STK32B: variants seen among roughly 807,000 people sequenced by gnomAD.
STK32B encodes the protein serine/threonine-protein kinase 32B.
A neutral mutation model predicts 52.6 loss-of-function variants in STK32B; 43 were observed. The observed-to-expected ratio is 0.82, with a 90% CI of 0.64 to 1.05. The LOEUF (loss-of-function observed/expected upper bound fraction) is 1.05, where lower values mean the gene tolerates loss of function less well. Ranked by LOEUF, STK32B falls within the 50% of genes least tolerant of loss-of-function variation. The pLI is 0.00. For synonymous variants in STK32B, 238 were observed against 204.3 expected, an observed-to-expected ratio of 1.17 and a Z score of -1.41; for missense variants, 621 against 534.6, an observed-to-expected ratio of 1.16 and a Z score of -1.59.
At chr4:5,098,100 AT>A (rs1442832757) in intron 1 of STK32B, among the ~76,000 whole-genome samples, 2 of 152,206 alleles carry the variant, frequency 1.3e-5, no homozygotes, top group East Asian at 1.9e-4. Context: ...CTCGCATTAT[AT>A]TTTATTGGTC....
At chr4:5,160,502 C>T (rs1042660954) in intron 2 of STK32B, among the ~76,000 whole-genome samples, 1 of 152,096 alleles carries the variant, frequency 6.6e-6, no homozygotes, top group Non-Finnish European at 1.5e-5. Context: ...GAGACCAACC[C>T]TTGGTGACTG....
rs973521971 is a variant in STK32B, at chr4:5,467,421, C to T, written c.1042-585C>T. 1.3e-5 allele frequency among the ~76,000 whole-genome samples: 2 copies of T among 152,178 alleles called. No individual in the cohort carries two copies. The highest frequency in any genetic ancestry group is 6.5e-5 in the Admixed American group (1 of 15,280). On this transcript the variant is annotated intron_variant, in intron 10 of 11. Transcript: ENST00000282908. The surrounding 1 kb of genome is among the most constrained non-coding windows in gnomAD (Gnocchi z 5.8). ...ATGGTTCCAGTCTCTCCCTCCGTCA[C>T]TGCATGGCCTTATTCTCTGTGTCTT... is the stretch of plus-strand genomic sequence containing the variant.
At chr4:5,292,851 G>A (rs1728973761) in intron 3 of STK32B, among the ~76,000 whole-genome samples, 2 of 151,888 alleles carry the variant, frequency 1.3e-5, no homozygotes, top group African/African-American at 2.4e-5. Context: ...ATATACATGT[G>A]CCATGGTGGT....
At chr4:5,274,166 C>T (rs896463668) in intron 3 of STK32B, among the ~76,000 whole-genome samples, 2 of 151,894 alleles carry the variant, frequency 1.3e-5, no homozygotes, top group African/African-American at 4.8e-5. Flanking sequence ...TGCAAAAGAC[C>T]TGGAATAGCT....
chr4:5,454,841 A>G (rs916484091), intron 7 of STK32B, among the ~76,000 whole-genome samples: 1 of 152,186 alleles, frequency 6.6e-6, no homozygotes, highest in South Asian at 2.1e-4. Context: ...TTTCTGGTGA[A>G]GTGCGAAGGG....
At chr4:5,305,483 T>C (rs536077694) in intron 3 of STK32B, among the ~76,000 whole-genome samples, 1 of 152,238 alleles carries the variant, frequency 6.6e-6, no homozygotes, top group Admixed American at 6.5e-5. Context: ...TTCTAGTTTA[T>C]GTGTGTAAAG....
intron 4 of STK32B, among the ~76,000 whole-genome samples, chr4:5,357,486 A>G (rs1001304320): frequency 6.6e-6 from 1 of 152,110 alleles, no homozygotes; most frequent in Non-Finnish European, 1.5e-5. Context: ...TCAAGGATCA[A>G]CCAGGCTTTT....
At chr4:5,033,826 GC>G in the STK32B span, among the ~76,000 whole-genome samples, 1 of 152,216 alleles carries the variant, frequency 6.6e-6, no homozygotes, top group Non-Finnish European at 1.5e-5. Flanking sequence ...CAACTGATGG[GC>G]TGGCCTGCTG....
At chr4:5,308,960 G>T (rs533335344) in intron 3 of STK32B, among the ~76,000 whole-genome samples, 1 of 152,064 alleles carries the variant, frequency 6.6e-6, no homozygotes, top group Non-Finnish European at 1.5e-5. Context: ...AAGTCAAATT[G>T]TCTCTGCTTG....
chr4:5,072,250 G>A lies in STK32B; in HGVS notation c.52+20335G>A, dbSNP rs549127583. Among the ~76,000 whole-genome samples the A allele has an allele frequency of 2.6e-5, 4 of 152,100 alleles. 1 individual carries two copies. In the South Asian group the frequency reaches 8.3e-4, roughly 32 times the overall value. ...TTGCAGGCTCAACTTGTACCCTGCA[G>A]ACTCAAAATTTTAATTGGCAACCCC... On this transcript the variant is annotated intron_variant, in intron 1 of 11. Transcript: ENST00000282908.
intron 3 of STK32B, among the ~76,000 whole-genome samples, chr4:5,172,654 G>C (rs2108742394): frequency 6.6e-6 from 1 of 152,290 alleles, no homozygotes; most frequent in Non-Finnish European, 1.5e-5. Context: ...TCCCAGGGAT[G>C]AACCCCACTT....
intron 6 of STK32B, among the ~76,000 whole-genome samples, chr4:5,440,234 G>A (rs1164211781): frequency 2.0e-5 from 3 of 152,196 alleles, no homozygotes; most frequent in African/African-American, 4.8e-5. Flanking sequence ...TCCTACCCAT[G>A]AGCATGGAAT....
At position 5,331,363 on chromosome 4, in the gene STK32B, AGTATC is replaced by A; in HGVS notation, c.405_409del (p.Glu135AspfsTer20). On this transcript the variant is annotated frameshift_variant, in exon 4 of 12. Transcript: ENST00000282908. LOFTEE classifies it high-confidence loss of function. ...ATCTGTGAGCTGGCACTGGCCCTGG[AGTATC>A]TTCAGAGGTACCACATCATCCACAG... 1 of 1,613,390 alleles carries A rather than the reference AGTATC, an allele frequency of 6.2e-7. No individual in the cohort carries two copies. Among genetic ancestry groups the A allele is most frequent in the Non-Finnish European group, 8.5e-7 (1 of 1,179,664 alleles).
chr4:5,355,722 A>G (rs759262333), intron 4 of STK32B, among the ~76,000 whole-genome samples: 10 of 152,076 alleles, frequency 6.6e-5, no homozygotes, highest in African/African-American at 2.4e-4. Flanking sequence ...CACATCATCA[A>G]ATGTGCTCCA....
the STK32B span, among the ~76,000 whole-genome samples, chr4:5,027,922 G>A: frequency 6.6e-6 from 1 of 152,204 alleles, no homozygotes; most frequent in Non-Finnish European, 1.5e-5. Context: ...TGAAGGGGCT[G>A]CATCCCTGCT....
chr4:5,497,855 G>GACA (rs927747728), intron 11 of STK32B, among the ~76,000 whole-genome samples: 3 of 152,060 alleles, frequency 2.0e-5, no homozygotes, highest in African/African-American at 7.2e-5. Context: ...TTTAAATCAA[G>GACA]ACAACAGGTG....
intron 5 of STK32B, among the ~76,000 whole-genome samples, chr4:5,405,195 C>T (rs115214781): frequency 6.1e-4 from 93 of 151,860 alleles, no homozygotes; most frequent in African/African-American, 2.0e-3. Flanking sequence ...CTTCCTAGCA[C>T]GGGACCCAGA....
chr4:5,062,545 C>T (rs1040766510), intron 1 of STK32B, among the ~76,000 whole-genome samples: 3 of 152,100 alleles, frequency 2.0e-5, no homozygotes. Context: ...CTTGCACTGT[C>T]GCCCAGGCTG....
At position 5,481,996 on chromosome 4, in the gene STK32B, T is replaced by A. The variant is rs560786502; in HGVS notation, c.1106+13926T>A. ...TGTTTTGGTTACTGTAGTCTTGTAG[T>A]ACAGTTTGAAGTCAGGTAGTGTGAT... On this transcript the variant is annotated intron_variant, in intron 11 of 11. Transcript: ENST00000282908. Among the ~76,000 whole-genome samples the A allele has an allele frequency of 4.6e-5, 7 of 152,242 alleles. No individual in the cohort carries two copies. The East Asian group carries it at 1.3e-3, about 29-fold the overall frequency.
Sources: gnomAD v4.1 joint callset for allele counts (sites outside exome capture counted in the v4.1 genomes callset) on GRCh38, gnomAD v4.1.1 for gene constraint, Gnocchi (gnomAD v3.1) non-coding constraint, MANE v1.5 for transcripts, NCBI Gene and HGNC (gene_info 2026-07-23, HGNC 2026-07-21) for gene names.